Variants in TIAM1 observed in about 807,000 individuals in gnomAD.
TIAM1 encodes the protein TIAM Rac1 associated GEF 1.
In TIAM1, 65 loss-of-function variants were observed where a neutral mutation model predicts 163.5. That is an observed-to-expected ratio of 0.40 (90% CI 0.33 to 0.49). The LOEUF (loss-of-function observed/expected upper bound fraction) is 0.49, where lower values mean the gene tolerates loss of function less well. TIAM1 is among the 20% of genes least tolerant of loss of function. The pLI is 0.77. For missense variants in TIAM1, 1,789 were observed against 2,044.7 expected, an observed-to-expected ratio of 0.87 and a Z score of 2.41; for synonymous variants, 833 against 810.1, an observed-to-expected ratio of 1.03 and a Z score of -0.48.
At chr21:31,451,879 G>A (rs2044873266) in intron 2 of TIAM1, among the ~76,000 whole-genome samples, 1 of 152,088 alleles carries the variant, frequency 6.6e-6, no homozygotes, top group Admixed American at 6.6e-5. Flanking sequence ...TACTTCGTAA[G>A]TGCAAGGATA....
At chr21:31,275,475 A>G (rs533336745) in intron 3 of TIAM1, among the ~76,000 whole-genome samples, 1 of 152,318 alleles carries the variant, frequency 6.6e-6, no homozygotes, top group African/African-American at 2.4e-5. Flanking sequence ...CCTAAGATGA[A>G]GAAAATACTA....
intron 1 of TIAM1, among the ~76,000 whole-genome samples, chr21:31,525,262 C>T (rs1358875734): frequency 4.6e-5 from 7 of 151,286 alleles, no homozygotes; most frequent in East Asian, 1.9e-4. Context: ...TCAGCTACTT[C>T]GGAGGCTGAG....
intron 6 of TIAM1, among the ~76,000 whole-genome samples, chr21:31,236,555 CA>C (rs1315349317): frequency 6.6e-6 from 1 of 151,564 alleles, no homozygotes; most frequent in African/African-American, 2.4e-5. Context: ...AGGATTTCAA[CA>C]GTTTATTAGA....
At chr21:31,425,708 C>T (rs1292088862) in intron 2 of TIAM1, among the ~76,000 whole-genome samples, 4 of 127,954 alleles carry the variant, frequency 3.1e-5, no homozygotes, top group Non-Finnish European at 6.3e-5. Flanking sequence ...TCTCTCTCTT[C>T]CTTTTTGAGA....
At chr21:31,268,396 T>C (rs796820748) in intron 3 of TIAM1, among the ~76,000 whole-genome samples, 5 of 152,352 alleles carry the variant, frequency 3.3e-5, no homozygotes, top group African/African-American at 9.6e-5. Context: ...ACCTTCACAT[T>C]GATCCCAGAC....
chr21:31,437,866 A>G (rs1409955915), intron 2 of TIAM1, among the ~76,000 whole-genome samples: 2 of 152,190 alleles, frequency 1.3e-5, no homozygotes, highest in Admixed American at 6.6e-5. Flanking sequence ...ATAAATTACC[A>G]AATTTCAGAT....
intron 1 of TIAM1, among the ~76,000 whole-genome samples, chr21:31,512,435 T>C (rs773456229): frequency 3.3e-5 from 5 of 151,924 alleles, no homozygotes; most frequent in Non-Finnish European, 5.9e-5. Context: ...AACAGCACTA[T>C]ATAAATCAAT....
intron 2 of TIAM1, among the ~76,000 whole-genome samples, chr21:31,398,605 ATCC>A (rs1370907450): frequency 6.6e-6 from 1 of 152,272 alleles, no homozygotes; most frequent in Non-Finnish European, 1.5e-5. Context: ...GAAGTTTGCC[ATCC>A]TCATAGCACA....
intron 2 of TIAM1, among the ~76,000 whole-genome samples, chr21:31,441,887 A>AAG (rs1165873258): frequency 7.4e-6 from 1 of 134,246 alleles, no homozygotes; most frequent in Non-Finnish European, 1.5e-5. Flanking sequence ...CATGTTTACA[A>AAG]AAAAAAAAAA....
intron 3 of TIAM1, among the ~76,000 whole-genome samples, chr21:31,274,662 C>T (rs2073210495): frequency 6.6e-6 from 1 of 152,118 alleles, no homozygotes; most frequent in Non-Finnish European, 1.5e-5. Flanking sequence ...AGGGCTTGCC[C>T]CGTGTGGGAG....
intron 1 of TIAM1, among the ~76,000 whole-genome samples, chr21:31,513,985 C>A (rs2047298485): frequency 6.6e-6 from 1 of 152,064 alleles, no homozygotes; most frequent in Non-Finnish European, 1.5e-5. Context: ...CCAGCCTGAG[C>A]AACAAGAGCG....
Position 31,225,856 on chromosome 21 carries a change from A to G in TIAM1, c.1679T>C (p.Leu560Pro). The change falls in exon 7 of 28, where the codon CTC (leucine) becomes CCC (proline). Residue 560 changes from leucine to proline, a missense_variant. Leu to Pro is a moderately conservative substitution (Grantham distance 98, BLOSUM62 -3). Coordinates refer to ENST00000541036, the MANE Select transcript of TIAM1 (RefSeq NM_001353694.2). ...VARHHHKEDT[L>P]RLLKSEIKKL... ...TTTGATCTCTGATTTCAGGAGTCGG[A>G]GCGTGTCTTCCTTGTGGTGGTGCCT... The G allele has an allele frequency of 3.1e-6, 5 of 1,614,146 alleles. No individual in the cohort carries two copies. The highest frequency in any genetic ancestry group is 4.2e-6 in the Non-Finnish European group (5 of 1,180,028).
chr21:31,243,209 A>AAAAATATATAT (rs59419171), intron 6 of TIAM1, among the ~76,000 whole-genome samples: 3 of 117,282 alleles, frequency 2.6e-5, no homozygotes, highest in African/African-American at 1.1e-4. Context: ...AAAAAAAAAA[A>AAAAATATATAT]ATATATATAT....
chr21:31,230,896 G>A (rs2088380051), intron 6 of TIAM1, among the ~76,000 whole-genome samples: 1 of 152,116 alleles, frequency 6.6e-6, no homozygotes, highest in South Asian at 2.1e-4. Flanking sequence ...CTAAACTCCC[G>A]ACCTCAGATG....
intron 2 of TIAM1, among the ~76,000 whole-genome samples, chr21:31,416,236 C>T (rs2043367467): frequency 6.6e-6 from 1 of 152,168 alleles, no homozygotes; most frequent in Non-Finnish European, 1.5e-5. Context: ...CCCTGCATGC[C>T]TCTGCCACCC....
chr21:31,150,950 GAT>G (rs2083342829), intron 19 of TIAM1, among the ~76,000 whole-genome samples: 1 of 152,174 alleles, frequency 6.6e-6, no homozygotes. Context: ...CACCAAGGTG[GAT>G]ATACTGAGGG....
chr21:31,212,102 A>C (rs2086913725), intron 10 of TIAM1, among the ~76,000 whole-genome samples: 1 of 152,230 alleles, frequency 6.6e-6, no homozygotes, highest in Non-Finnish European at 1.5e-5. Context: ...AGAGATGCTC[A>C]GACAGTGGCC....
chr21:31,398,834 C>T (rs1243045001), intron 2 of TIAM1, among the ~76,000 whole-genome samples: 8 of 152,176 alleles, frequency 5.3e-5, no homozygotes, highest in African/African-American at 7.2e-5. Context: ...GAAATGTAAA[C>T]GTCAGCATCT....
chr21:31,148,884 A>G (rs542877833), intron 19 of TIAM1, among the ~76,000 whole-genome samples: 2 of 152,300 alleles, frequency 1.3e-5, no homozygotes, highest in South Asian at 4.1e-4. Flanking sequence ...ATCAGAACTA[A>G]TTATTTCCTT....
Sources: allele counts gnomAD v4.1 joint callset (sites outside exome capture counted in the v4.1 genomes callset), GRCh38; gene constraint gnomAD v4.1.1; transcripts MANE v1.5; gene names NCBI Gene and HGNC (gene_info 2026-07-23, HGNC 2026-07-21).